The following PIK3C2G variants were observed in gnomAD, a reference collection of about 807,000 sequenced individuals.
PIK3C2G encodes phosphatidylinositol-4-phosphate 3-kinase catalytic subunit type 2 gamma.
PIK3C2G carries 168 observed loss-of-function variants against 181.1 expected under a neutral mutation model. That is an observed-to-expected ratio of 0.93 (90% CI 0.82 to 1.05). The LOEUF is 1.05. Ranked by LOEUF, PIK3C2G falls within the 50% of genes least tolerant of loss-of-function variation. The pLI is 0.00. For missense variants in PIK3C2G, 1,869 were observed against 1,732.8 expected (o/e 1.08, Z -1.40); for synonymous variants, 573 against 592.2 (o/e 0.97, Z 0.47).
intron 2 of PIK3C2G, among the ~76,000 whole-genome samples, chr12:18,284,106 C>T (rs1424793460): frequency 6.6e-6 from 1 of 152,004 alleles, no homozygotes; most frequent in Admixed American, 6.6e-5. Flanking sequence ...GGACTTACGG[C>T]TTGGCCAAGT....
intron 32 of PIK3C2G, among the ~76,000 whole-genome samples, chr12:18,641,244 C>T (rs768499671): frequency 3.9e-5 from 6 of 152,212 alleles, no homozygotes; most frequent in Non-Finnish European, 8.8e-5. Context: ...CACCTCCAAA[C>T]TTATCCAAAA....
chr12:18,458,545 G>A (rs1299811163), intron 18 of PIK3C2G, among the ~76,000 whole-genome samples: 3 of 151,968 alleles, frequency 2.0e-5, no homozygotes, highest in Admixed American at 6.6e-5. Flanking sequence ...TCTCCTCCTA[G>A]CCAGATCCCC....
At chr12:18,453,096 C>G (rs1947452668) in intron 18 of PIK3C2G, among the ~76,000 whole-genome samples, 1 of 152,150 alleles carries the variant, frequency 6.6e-6, no homozygotes, top group Non-Finnish European at 1.5e-5. Context: ...TGGTCCAGAG[C>G]TGAGCTCAAA....
chr12:18,408,512 G>T lies in PIK3C2G; in HGVS notation c.2315+8665G>T, dbSNP rs184506482. Among the ~76,000 whole-genome samples, 1,067 of 152,174 alleles carry T rather than the reference G, an allele frequency of 7.0e-3. 6 individuals are homozygous for T. Among genetic ancestry groups the T allele is most frequent in the African/African-American group, 0.019 (781 of 41,534 alleles). The stretch of plus-strand genomic sequence containing the variant: ...CAGGTAGCATGATGCTTCCAGCTTT[G>T]TTCTTTTTGCTTAGGATTGTCTTTA... On this transcript the variant is annotated intron_variant, in intron 16 of 32. Coordinates refer to ENST00000538779, the MANE Select transcript of PIK3C2G (RefSeq NM_001288772.2).
chr12:18,595,367 G>C (rs959045160), intron 30 of PIK3C2G, among the ~76,000 whole-genome samples: 17 of 152,046 alleles, frequency 1.1e-4, no homozygotes, highest in Admixed American at 1.1e-3. Context: ...GTGTATTAAA[G>C]TGTTGGTTAA....
At chr12:18,683,172 T>TA in the PIK3C2G span, 4 of 1,345,630 alleles carry the variant, frequency 3.0e-6, no homozygotes, top group Admixed American at 6.8e-5. Context: ...AAAGAAAACA[T>TA]AAAGACATTC....
chr12:18,443,599 A>C (rs1288982690), intron 18 of PIK3C2G, among the ~76,000 whole-genome samples: 1 of 152,186 alleles, frequency 6.6e-6, no homozygotes, highest in Non-Finnish European at 1.5e-5. Flanking sequence ...TATCAGAAGA[A>C]ATGTTATTAA....
the PIK3C2G span, among the ~76,000 whole-genome samples, chr12:18,686,029 C>T: frequency 6.6e-6 from 1 of 151,938 alleles, no homozygotes; most frequent in Non-Finnish European, 1.5e-5. Context: ...AAATGTTATC[C>T]TTTTCCTCCC....
chr12:18,598,333 G>GA (rs1383683016), intron 30 of PIK3C2G, among the ~76,000 whole-genome samples: 13 of 151,654 alleles, frequency 8.6e-5, no homozygotes, highest in East Asian at 7.8e-4. Flanking sequence ...AGAGCCCTCA[G>GA]AAAAAACGCC....
chr12:18,408,126 T>G (rs58591412), intron 16 of PIK3C2G, among the ~76,000 whole-genome samples: 16,958 of 152,074 alleles, frequency 0.11, 1,285 homozygotes, highest in Admixed American at 0.27. Flanking sequence ...GAGCTTCCAT[T>G]AAGTCTTTGC....
chr12:18,679,748 T>C, the PIK3C2G span, among the ~76,000 whole-genome samples: 1 of 151,978 alleles, frequency 6.6e-6, no homozygotes, highest in Non-Finnish European at 1.5e-5. Flanking sequence ...ATGGAAAAGA[T>C]GACTGAAAGT....
In PIK3C2G at chr12:18,610,433, A is replaced by G. The variant is rs535476569; in HGVS notation, c.4182+804A>G. The stretch of plus-strand genomic sequence containing the variant: ...TCTCCATATGACACACATCCATAAC[A>G]TATTGAAACAATAAATATTTGTTTG... On this transcript the variant is annotated intron_variant, in intron 31 of 32. Coordinates refer to ENST00000538779, the MANE Select transcript of PIK3C2G (RefSeq NM_001288772.2). Among the ~76,000 whole-genome samples the G allele has an allele frequency of 3.9e-5, 6 of 152,246 alleles. No homozygotes were observed. The South Asian group carries it at 1.2e-3, about 32-fold the overall frequency.
intron 24 of PIK3C2G, among the ~76,000 whole-genome samples, chr12:18,525,386 C>T (rs988553412): frequency 6.7e-6 from 1 of 150,190 alleles, no homozygotes; most frequent in African/African-American, 2.5e-5. Context: ...AAAGCAAAAC[C>T]CCATCTCAAA....
At chr12:18,525,223 C>G (rs1410122186) in intron 24 of PIK3C2G, among the ~76,000 whole-genome samples, 1 of 151,660 alleles carries the variant, frequency 6.6e-6, no homozygotes, top group African/African-American at 2.4e-5. Context: ...AAACCCCGTC[C>G]CTACTAAAAA....
At chr12:18,511,135 C>A (rs895302563) in intron 24 of PIK3C2G, among the ~76,000 whole-genome samples, 2 of 152,070 alleles carry the variant, frequency 1.3e-5, no homozygotes, top group Admixed American at 6.6e-5. Context: ...TGGATTCATT[C>A]ATGTTGTCAT....
chr12:18,613,386 A>G (rs1316245802), intron 31 of PIK3C2G, among the ~76,000 whole-genome samples: 2 of 152,148 alleles, frequency 1.3e-5, no homozygotes, highest in African/African-American at 4.8e-5. Flanking sequence ...CAATCCTTTC[A>G]TAAGACAAAA....
At chr12:18,581,734 G>T (rs1946511832) in intron 29 of PIK3C2G, among the ~76,000 whole-genome samples, 1 of 152,212 alleles carries the variant, frequency 6.6e-6, no homozygotes. Flanking sequence ...TAGGGGGGAA[G>T]TTAGGCTGGA....
the PIK3C2G span, chr12:18,696,190 A>T: frequency 2.5e-6 from 4 of 1,597,170 alleles, no homozygotes; most frequent in Non-Finnish European, 3.4e-6. Flanking sequence ...GGGGATTAAA[A>T]TTAGAAGAGT....
At chr12:18,290,414 A>G (rs1354523020) in intron 3 of PIK3C2G, among the ~76,000 whole-genome samples, 1 of 152,228 alleles carries the variant, frequency 6.6e-6, no homozygotes, top group African/African-American at 2.4e-5. Flanking sequence ...TACAAACTTG[A>G]CAAGAACAAG....
Sources: allele counts gnomAD v4.1 joint callset (sites outside exome capture counted in the v4.1 genomes callset), GRCh38; gene constraint gnomAD v4.1.1; transcripts MANE v1.5; gene names NCBI Gene and HGNC (gene_info 2026-07-23, HGNC 2026-07-21).